Variants in SEH1L observed in about 807,000 individuals in gnomAD.
SEH1L encodes SEH1 like nucleoporin, also known as nucleoporin SEH1.
SEH1L carries 18 observed loss-of-function variants against 49.5 expected under a neutral mutation model. The observed-to-expected ratio is 0.36, with a 90% CI of 0.25 to 0.54. SEH1L has a LOEUF of 0.54. SEH1L is among the 20% of genes least tolerant of loss of function. The pLI, the probability that SEH1L is intolerant of heterozygous loss-of-function variation, is 0.87. For synonymous variants in SEH1L, 169 were observed against 178.1 expected (o/e 0.95, Z 0.41); for missense variants, 404 against 528.8 (o/e 0.76, Z 2.31).
In SEH1L at chr18:12,978,783, G is replaced by A; in HGVS notation, c.652G>A (p.Val218Ile). 6.2e-7 allele frequency: 1 copy of A among 1,613,312 alleles called. No individual in the cohort carries two copies. Among genetic ancestry groups the A allele is most frequent in the Non-Finnish European group, 8.5e-7 (1 of 1,179,418 alleles). ...KYAKAETLMT[V>I]TDPVHDIAFA... ...TGCAAAAGCTGAAACTCTTATGACAGTCACTGATCCTGTTCATGATATTGC... is the reference window on the plus strand; with the variant it reads ...TGCAAAAGCTGAAACTCTTATGACAATCACTGATCCTGTTCATGATATTGC... Residue 218 changes from valine to isoleucine, a missense_variant, in exon 6 of 9, where the codon GTC becomes ATC. By Grantham distance (29) the Val-to-Ile change is conservative. This residue lies in a region of SEH1L where 342 missense variants were observed against 430.8 expected (regional missense o/e 0.79). Transcript: ENST00000399892.
chr18:12,983,559 T>TTTTTC (rs1307752133), intron 7 of SEH1L, among the ~76,000 whole-genome samples: 1 of 152,228 alleles, frequency 6.6e-6, no homozygotes, highest in Non-Finnish European at 1.5e-5. Context: ...TTCAAACTAA[T>TTTTTC]AAGGCCATTT....
intron 1 of SEH1L, among the ~76,000 whole-genome samples, chr18:12,949,003 C>T (rs1207205492): frequency 6.6e-6 from 1 of 151,728 alleles, no homozygotes; most frequent in Non-Finnish European, 1.5e-5. Context: ...GTGCACGCCA[C>T]CACCCCCGGC....
At chr18:12,962,213 TAGTG>T (rs1328174697) in intron 3 of SEH1L, among the ~76,000 whole-genome samples, 1 of 132,160 alleles carries the variant, frequency 7.6e-6, no homozygotes, top group Non-Finnish European at 1.5e-5. Flanking sequence ...CTGGGCAACA[TAGTG>T]AGACCCCCCC....
intron 4 of SEH1L, chr18:12,964,633 C>CTTTTTT (rs11351617): frequency 7.4e-5 from 7 of 94,702 alleles, no homozygotes; most frequent in Admixed American, 1.2e-4. Context: ...ACTCCCGTCT[C>CTTTTTT]TTTTTTTTTT....
At chr18:12,981,849 C>CATTTTTATTTTT (rs2032278181) in intron 6 of SEH1L, among the ~76,000 whole-genome samples, 1 of 102,504 alleles carries the variant, frequency 9.8e-6, no homozygotes, top group African/African-American at 4.6e-5. Context: ...CTGCCCTGCC[C>CATTTTTATTTTT]ATTTTTTTTT....
At chr18:12,970,625 A>T (rs1221644367) in intron 4 of SEH1L, among the ~76,000 whole-genome samples, 2 of 152,068 alleles carry the variant, frequency 1.3e-5, no homozygotes, top group Admixed American at 1.3e-4. Context: ...GAGTCTTATT[A>T]TGTGGCCCAG....
chr18:12,981,741 T>G (rs1411102626), intron 6 of SEH1L, among the ~76,000 whole-genome samples: 2 of 152,044 alleles, frequency 1.3e-5, no homozygotes. Flanking sequence ...GAAAACTAAA[T>G]TAGTATTGAG....
intron 4 of SEH1L, among the ~76,000 whole-genome samples, chr18:12,969,298 G>A (rs2145637938): frequency 6.8e-6 from 1 of 146,976 alleles, no homozygotes; most frequent in African/African-American, 2.6e-5. Context: ...GTGTGGTGGT[G>A]CACACCTGGA....
intron 6 of SEH1L, among the ~76,000 whole-genome samples, chr18:12,980,864 C>T (rs1364288447): frequency 5.1e-5 from 7 of 137,738 alleles, no homozygotes; most frequent in South Asian, 2.4e-4. Flanking sequence ...GCTGGCCGGG[C>T]GGGGGGCTGA....
At chr18:12,955,978 A>C (rs766569619) in intron 3 of SEH1L, among the ~76,000 whole-genome samples, 1 of 151,170 alleles carries the variant, frequency 6.6e-6, no homozygotes, top group African/African-American at 2.4e-5. Context: ...GATTATAGGC[A>C]TGAGCCACTG....
At chr18:12,979,705 C>T (rs867729073) in intron 6 of SEH1L, among the ~76,000 whole-genome samples, 10,806 of 142,062 alleles carry the variant, frequency 0.076, 86 homozygotes, top group African/African-American at 0.16. Flanking sequence ...GGGCTGACCC[C>T]CCCACCTCCC....
At chr18:12,952,006 G>C (rs1041550039) in intron 2 of SEH1L, 101 bp downstream of exon 2, 1 of 607,622 alleles carries the variant, frequency 1.6e-6, no homozygotes, top group Non-Finnish European at 2.7e-6. Context: ...TTATACAGTA[G>C]TTCTTTTCCT....
At chr18:12,979,786 G>A (rs1252416895) in intron 6 of SEH1L, among the ~76,000 whole-genome samples, 5 of 140,406 alleles carry the variant, frequency 3.6e-5, no homozygotes, top group African/African-American at 8.1e-5. Context: ...GCGGCTGTCC[G>A]GGCAGAGGGG....
intron 2 of SEH1L, among the ~76,000 whole-genome samples, chr18:12,954,777 GAAAA>G (rs1282422494): frequency 2.0e-5 from 3 of 152,056 alleles, no homozygotes; most frequent in Non-Finnish European, 4.4e-5. Flanking sequence ...TGAATCAAAT[GAAAA>G]AAAAGTATTT....
rs376751843 is a variant in SEH1L at position 12,979,278 on chromosome 18, G to A, written c.761+386G>A. Among the ~76,000 whole-genome samples, 19 of 149,936 alleles carry A rather than the reference G, an allele frequency of 1.3e-4. No individual in the cohort carries two copies. The East Asian group carries it at 3.5e-3, about 28-fold the overall frequency. On this transcript the variant is annotated intron_variant, in intron 6 of 8. Transcript: ENST00000399892. ...AGGGAGTGGCGATGACTCTTAACGA[G>A]CATGCTGCCTTCAAGCATCTGTTTA... is the stretch of plus-strand genomic sequence containing the variant.
rs1262235096 is a variant in SEH1L at position 12,987,068 on chromosome 18, T to C, written c.*11T>C. On this transcript the variant is annotated 3_prime_UTR_variant, in exon 9 of 9. Transcript: ENST00000399892. ...AATGAAGGGATTTAAAACACTGATT[T>C]AACATTGAAAGGCCTTATTCAAGTG... The C allele has an allele frequency of 1.3e-6, 2 of 1,562,904 alleles. No homozygotes were observed. Among genetic ancestry groups the C allele is most frequent in the Non-Finnish European group, 1.7e-6 (2 of 1,143,366 alleles).
intron 3 of SEH1L, among the ~76,000 whole-genome samples, chr18:12,960,358 A>G (rs757798049): frequency 5.9e-5 from 9 of 152,240 alleles, no homozygotes; most frequent in Non-Finnish European, 1.0e-4. Context: ...TAGTTTTCCC[A>G]GCACCATTTC....
At chr18:12,983,912 C>G in intron 7 of SEH1L, 128 bp from the exon 8 acceptor site, 1 of 590,912 alleles carries the variant, frequency 1.7e-6, no homozygotes, top group Non-Finnish European at 2.8e-6. Context: ...TAATGTTTAT[C>G]CTGAAAGAAA....
At chr18:12,953,565 A>G (rs2030677819) in intron 2 of SEH1L, among the ~76,000 whole-genome samples, 1 of 152,138 alleles carries the variant, frequency 6.6e-6, no homozygotes, top group Non-Finnish European at 1.5e-5. Context: ...TTGGATTTTG[A>G]TTTGTATTTC....
Sources: allele counts gnomAD v4.1 joint callset (sites outside exome capture counted in the v4.1 genomes callset), GRCh38; gene constraint gnomAD v4.1.1; regional missense constraint gnomAD v4.1.1; transcripts MANE v1.5; gene names NCBI Gene and HGNC (gene_info 2026-07-23, HGNC 2026-07-21).